Variants in SHROOM3 observed in about 807,000 individuals in gnomAD.
SHROOM3 encodes the protein protein Shroom3.
Under a neutral mutation model 138.6 loss-of-function variants are expected in SHROOM3, and 47 were observed. The ratio of observed to expected loss-of-function variants is 0.34; its 90% confidence interval spans 0.27 to 0.43. The LOEUF is 0.43. SHROOM3 is among the 20% of genes least tolerant of loss of function. The pLI, the probability that SHROOM3 is intolerant of heterozygous loss-of-function variation, is 1.00. For missense variants in SHROOM3, 2,491 were observed against 2,596.5 expected (o/e 0.96, Z 0.88); for synonymous variants, 1,062 against 1,063.3 (o/e 1.00, Z 0.02).
intron 2 of SHROOM3, among the ~76,000 whole-genome samples, chr4:76,674,636 C>T (rs568891031): frequency 9.6e-5 from 13 of 135,506 alleles, no homozygotes; most frequent in South Asian, 2.7e-4. Flanking sequence ...TCACTGCAAA[C>T]GCTGCGTCCC....
At chr4:76,628,199 A>G (rs767914939) in intron 2 of SHROOM3, among the ~76,000 whole-genome samples, 2 of 152,258 alleles carry the variant, frequency 1.3e-5, no homozygotes, top group Non-Finnish European at 2.9e-5. Context: ...GATGTTAGGA[A>G]AGTAGTCCAG....
chr4:76,669,076 C>T (rs775120079), intron 2 of SHROOM3, among the ~76,000 whole-genome samples: 2 of 152,126 alleles, frequency 1.3e-5, no homozygotes, highest in Non-Finnish European at 2.9e-5. Flanking sequence ...TGTGAAAATG[C>T]CCCCTTTCTC....
intron 2 of SHROOM3, among the ~76,000 whole-genome samples, chr4:76,659,334 A>G (rs1207295441): frequency 6.6e-6 from 1 of 152,208 alleles, no homozygotes; most frequent in African/African-American, 2.4e-5. Context: ...CCTTGCCAAG[A>G]GGCCAGGCCC....
At chr4:76,647,175 A>G (rs974812567) in intron 2 of SHROOM3, among the ~76,000 whole-genome samples, 1 of 152,236 alleles carries the variant, frequency 6.6e-6, no homozygotes, top group Non-Finnish European at 1.5e-5. Context: ...GACAAATATC[A>G]TCGTATGTTT....
At chr4:76,519,850 T>C (rs566697789) in intron 1 of SHROOM3, among the ~76,000 whole-genome samples, 8 of 152,328 alleles carry the variant, frequency 5.3e-5, no homozygotes, top group African/African-American at 1.7e-4. Context: ...TGGGTGGAAA[T>C]GATCAGGACA....
At chr4:76,632,598 G>A (rs190425458) in intron 2 of SHROOM3, among the ~76,000 whole-genome samples, 1 of 152,286 alleles carries the variant, frequency 6.6e-6, no homozygotes, top group East Asian at 1.9e-4. Context: ...GTGGGTTGAA[G>A]GGAGAATGGG....
At chr4:76,526,592 G>A (rs1732695035) in intron 1 of SHROOM3, among the ~76,000 whole-genome samples, 1 of 152,162 alleles carries the variant, frequency 6.6e-6, no homozygotes, top group African/African-American at 2.4e-5. Context: ...TCTACAGGAG[G>A]AAGTCTTGGG....
chr4:76,487,799 T>A (rs760649645), intron 1 of SHROOM3, among the ~76,000 whole-genome samples: 6 of 152,342 alleles, frequency 3.9e-5, no homozygotes, highest in Middle Eastern at 6.8e-3. Flanking sequence ...CCTGTTTTCA[T>A]TAGTCAACTC....
intron 2 of SHROOM3, among the ~76,000 whole-genome samples, chr4:76,706,400 A>G (rs949353524): frequency 6.6e-6 from 1 of 152,252 alleles, no homozygotes; most frequent in Admixed American, 6.5e-5. Flanking sequence ...GGCGTGAGCC[A>G]CTGTGCCTGG....
chr4:76,511,498 A>G (rs1196352381), intron 1 of SHROOM3, among the ~76,000 whole-genome samples: 3 of 152,180 alleles, frequency 2.0e-5, no homozygotes, highest in Admixed American at 6.5e-5. Flanking sequence ...ACCTCTGCCT[A>G]CAATTTCTCC....
At chr4:76,458,142 G>A (rs1731070712) in intron 1 of SHROOM3, among the ~76,000 whole-genome samples, 1 of 152,150 alleles carries the variant, frequency 6.6e-6, no homozygotes, top group Non-Finnish European at 1.5e-5. Flanking sequence ...TTTCTTCATA[G>A]CAGTGCAAGA....
Position 76,740,013 on chromosome 4 carries a change from G to A in SHROOM3, c.1840G>A (p.Gly614Ser), listed in dbSNP as rs770915340. 1 of 1,613,956 alleles carries A rather than the reference G, an allele frequency of 6.2e-7. No homozygotes were observed. The highest frequency in any genetic ancestry group is 1.1e-5 in the South Asian group (1 of 91,086). The change falls in exon 5 of 11, where the codon GGT becomes AGT. Residue 614 changes from glycine to serine, a missense_variant. Transcript: ENST00000296043. This position sits in a 1 kb window ranked among gnomAD's most constrained non-coding sequence, Gnocchi z 4.0. ...KCPQAQAWQA[G>S]EDKRSSRLSE... ...CCCTCAGGCTCAGGCCTGGCAAGCG[G>A]GTGAAGACAAGAGATCTTCCAGGCT...
chr4:76,468,095 A>G (rs1386496844), intron 1 of SHROOM3, among the ~76,000 whole-genome samples: 1 of 152,258 alleles, frequency 6.6e-6, no homozygotes, highest in African/African-American at 2.4e-5. Context: ...CCACTGGGAA[A>G]GTGTGCTGTT....
intron 3 of SHROOM3, chr4:76,716,090 T>C: frequency 3.8e-6 from 1 of 265,004 alleles, no homozygotes; most frequent in Non-Finnish European, 7.5e-6. Flanking sequence ...TAGGCTATTG[T>C]TCAAGATGCC....
At position 76,489,194 on chromosome 4, in the gene SHROOM3, A is replaced by G. The variant is rs550630321; in HGVS notation, c.168+52974A>G. Among the ~76,000 whole-genome samples the G allele has an allele frequency of 2.0e-5, 3 of 152,344 alleles. No individual in the cohort carries two copies. The South Asian group carries it at 6.2e-4, about 32-fold the overall frequency. ...CATGTGAAATTCCTTTGTGGCTAGA[A>G]GATGTCAACAGGCACAGATCTAGCT... On this transcript the variant is annotated intron_variant, in intron 1 of 10. Transcript: ENST00000296043.
At chr4:76,442,013 C>T (rs182632309) in intron 1 of SHROOM3, among the ~76,000 whole-genome samples, 2 of 152,230 alleles carry the variant, frequency 1.3e-5, no homozygotes, top group Non-Finnish European at 2.9e-5. Context: ...TGAGCCACCC[C>T]ACTCGGCTTC....
chr4:76,778,813 C>G lies in SHROOM3; in HGVS notation c.5627C>G (p.Ser1876Cys). ...CTGTCCAATTTTCCCTGGCAGAGCT[C>G]TCTTTACGAGAAAAGGAAGATCCTG... Reference protein sequence around the residue: ...GEDASNEERSSLYEKRKILAG... With the variant: ...GEDASNEERSCLYEKRKILAG... The change falls in exon 11 of 11, where the codon TCT becomes TGT. Residue 1876 changes from serine to cysteine, a missense_variant. Ser to Cys is a moderately radical substitution (Grantham distance 112). Around this residue, in one of 4 missense-constraint regions of SHROOM3, gnomAD observed 470 missense variants for 595.0 expected, o/e 0.79. Coordinates refer to ENST00000296043, the MANE Select transcript of SHROOM3 (RefSeq NM_020859.4). 3 of 1,612,220 alleles carry G rather than the reference C, an allele frequency of 1.9e-6. No homozygotes were observed.
intron 2 of SHROOM3, among the ~76,000 whole-genome samples, chr4:76,698,012 G>T (rs1314951071): frequency 6.6e-6 from 1 of 152,168 alleles, no homozygotes; most frequent in Non-Finnish European, 1.5e-5. Context: ...CTTAGAAAAG[G>T]TCTACTGTAA....
chr4:76,451,657 T>C (rs185909850), intron 1 of SHROOM3, among the ~76,000 whole-genome samples: 1 of 152,314 alleles, frequency 6.6e-6, no homozygotes, highest in East Asian at 1.9e-4. Flanking sequence ...ATTGAACTGT[T>C]TCCTTAAGAT....
Sources: gnomAD v4.1 joint callset for allele counts (sites outside exome capture counted in the v4.1 genomes callset) on GRCh38, gnomAD v4.1.1 for gene constraint, gnomAD v4.1.1 regional missense constraint, Gnocchi (gnomAD v3.1) non-coding constraint, MANE v1.5 for transcripts, NCBI Gene and HGNC (gene_info 2026-07-23, HGNC 2026-07-21) for gene names.